The following SEC24D variants were observed in gnomAD, a reference collection of about 807,000 sequenced individuals.
SEC24D encodes the protein protein transport protein Sec24D.
SEC24D carries 69 observed loss-of-function variants against 116.9 expected under a neutral mutation model. The ratio of observed to expected loss-of-function variants is 0.59; its 90% CI spans 0.49 to 0.72. The LOEUF (loss-of-function observed/expected upper bound fraction) is 0.72. SEC24D is among the 30% of genes least tolerant of loss of function. SEC24D has a pLI of 0.00. For missense variants in SEC24D, 1,131 were observed against 1,264.1 expected, an observed-to-expected ratio of 0.89 and a Z score of 1.60; for synonymous variants, 405 against 442.8, an observed-to-expected ratio of 0.91 and a Z score of 1.07.
intron 8 of SEC24D, among the ~76,000 whole-genome samples, chr4:118,795,848 G>A (rs1313042676): frequency 2.6e-5 from 4 of 152,084 alleles, no homozygotes; most frequent in Non-Finnish European, 4.4e-5. Context: ...TAGGTGTCTC[G>A]GCTACATAGG....
chr4:118,732,618 G>A, intron 20 of SEC24D, 115 bp downstream of exon 20: 1 of 1,013,478 alleles, frequency 9.9e-7, no homozygotes, highest in Middle Eastern at 3.1e-4. Context: ...GAAGGCATTT[G>A]TGACTTTAAC....
rs1725679901 is a variant in SEC24D at position 118,731,443 on chromosome 4, G to A, written c.2741C>T (p.Ser914Leu). The A allele has an allele frequency of 1.9e-6, 3 of 1,613,966 alleles. No homozygotes were observed. The highest frequency in any genetic ancestry group is 2.2e-5 in the East Asian group (1 of 44,886). ...AGCCAGTAAGAATATTCCTTCTTCT[G>A]AAAGACGGGACTCAGAGCAACGAAC... Reference protein sequence around the residue: ...AAVRCSESRLSEEGIFLLANG... With the variant: ...AAVRCSESRLLEEGIFLLANG... Residue 914 changes from serine (S) to leucine (L), a missense_variant, in exon 21 of 23, where the codon TCA becomes TTA. By Grantham distance (145) the Ser-to-Leu change is moderately radical. Transcript: ENST00000280551.
At chr4:118,774,686 T>G (rs1177347281) in intron 8 of SEC24D, among the ~76,000 whole-genome samples, 2 of 152,160 alleles carry the variant, frequency 1.3e-5, no homozygotes, top group Non-Finnish European at 1.5e-5. Context: ...GTGACTTGAA[T>G]CAAGCCCTTA....
chr4:118,827,189 C>T (rs771092237), intron 2 of SEC24D, among the ~76,000 whole-genome samples: 1 of 152,062 alleles, frequency 6.6e-6, no homozygotes, highest in Non-Finnish European at 1.5e-5. Context: ...GGAAAGTAGC[C>T]AGAGTGGAAG....
intron 3 of SEC24D, among the ~76,000 whole-genome samples, chr4:118,824,344 C>G (rs1730510490): frequency 2.0e-5 from 3 of 152,128 alleles, no homozygotes; most frequent in Admixed American, 2.0e-4. Context: ...TGAGGTCTCA[C>G]TATGTTGCCT....
intron 21 of SEC24D, chr4:118,730,212 C>T (rs1364031271): frequency 6.6e-6 from 1 of 152,206 alleles, no homozygotes; most frequent in Non-Finnish European, 1.5e-5. Context: ...ATTCTTCAGA[C>T]TCATAGTTCT....
At position 118,723,030 on chromosome 4, in the gene SEC24D, A is replaced by G. The variant is rs1725227383; in HGVS notation, c.*485T>C. The G allele has an allele frequency of 6.6e-6, 1 of 152,656 alleles. No individual in the cohort carries two copies. The highest frequency in any genetic ancestry group is 2.1e-4 in the South Asian group (1 of 4,836). 9.5% of individuals were successfully genotyped at this position (152,656 alleles called of 1,614,324 possible). A position where few individuals can be genotyped will look rare whatever the true frequency, so the allele number is the denominator to read the frequency against. On this transcript the variant is annotated 3_prime_UTR_variant, in exon 23 of 23. Coordinates refer to ENST00000280551, the MANE Select transcript of SEC24D (RefSeq NM_014822.4). ...GTTCTACCAGATAAATCCCAAGGTT[A>G]TTAAAAGTCTGCTATGCAGACCTTA...
At chr4:118,794,820 TTAATA>T (rs1322555532) in intron 8 of SEC24D, among the ~76,000 whole-genome samples, 2 of 152,212 alleles carry the variant, frequency 1.3e-5, no homozygotes, top group Admixed American at 6.5e-5. Context: ...ATTTCTCATA[TTAATA>T]TATTACCCCG....
Position 118,833,598 on chromosome 4 carries a change from C to T in SEC24D, c.99G>A (p.Ser33=), listed in dbSNP as rs1301705304. The stretch of plus-strand genomic sequence containing the variant: ...CTGTACCTGTTGGAGATGCTGTGTG[C>T]GACGGATCCCCATAGTGCCCATAAT... ...PPHYGHYGDP[S]HTASPTGMMK... The change falls in exon 2 of 23, where the codon TCG becomes TCA. Residue 33 remains serine, a synonymous_variant. Transcript: ENST00000280551. The T allele has an allele frequency of 5.6e-6, 9 of 1,611,870 alleles. No homozygotes were observed. The highest frequency in any genetic ancestry group is 1.6e-4 in the Middle Eastern group (1 of 6,080).
chr4:118,815,810 G>A, intron 4 of SEC24D, 84 bp from the exon 5 acceptor site: 1 of 1,458,862 alleles, frequency 6.9e-7, no homozygotes, highest in Non-Finnish European at 9.3e-7. Flanking sequence ...AGAGATGTTT[G>A]TTTTCCTGAC....
At chr4:118,820,010 C>A (rs972406063) in intron 3 of SEC24D, among the ~76,000 whole-genome samples, 1 of 151,896 alleles carries the variant, frequency 6.6e-6, no homozygotes, top group Admixed American at 6.6e-5. Context: ...TTCTTTCTGA[C>A]CAACTTAAAT....
At chr4:118,745,182 A>G (rs1393867433) in intron 13 of SEC24D, 122 bp from the exon 14 acceptor site, 5 of 627,680 alleles carry the variant, frequency 8.0e-6, no homozygotes, top group African/African-American at 1.9e-5. Flanking sequence ...ATTTAATTTA[A>G]TCCTCATAAT....
At chr4:118,728,266 A>G (rs2110426510) in intron 22 of SEC24D, among the ~76,000 whole-genome samples, 1 of 152,362 alleles carries the variant, frequency 6.6e-6, no homozygotes, top group South Asian at 2.1e-4. Flanking sequence ...GCACCAGAAG[A>G]AAAGTCACTT....
intron 8 of SEC24D, among the ~76,000 whole-genome samples, chr4:118,779,604 C>G (rs377332135): frequency 6.6e-6 from 1 of 152,116 alleles, no homozygotes; most frequent in East Asian, 1.9e-4. Flanking sequence ...ATATCAGGAT[C>G]ATGCTGGCCT....
chr4:118,789,238 T>A (rs1728786481), intron 8 of SEC24D, among the ~76,000 whole-genome samples: 1 of 152,228 alleles, frequency 6.6e-6, no homozygotes, highest in Non-Finnish European at 1.5e-5. Context: ...AGCTGCTATC[T>A]TCCTAAAAGA....
intron 17 of SEC24D, among the ~76,000 whole-genome samples, chr4:118,739,858 T>C (rs1726145432): frequency 6.6e-6 from 1 of 152,198 alleles, no homozygotes; most frequent in Non-Finnish European, 1.5e-5. Context: ...TATGACCATG[T>C]ATATCTAGTG....
At position 118,802,944 on chromosome 4, in the gene SEC24D, G is replaced by T. The variant is rs566572385; in HGVS notation, c.913+2899C>A. Among the ~76,000 whole-genome samples, 6 of 152,292 alleles carry T rather than the reference G, an allele frequency of 3.9e-5. No homozygotes were observed. The East Asian group carries it at 1.2e-3, about 29-fold the overall frequency. On this transcript the variant is annotated intron_variant, in intron 7 of 22. Transcript: ENST00000280551. ...AATGAAATTCTGATATACGCTACAAGGTAGATGAACCTTGAAAATATTATA... is the reference window on the plus strand; with the variant it reads ...AATGAAATTCTGATATACGCTACAATGTAGATGAACCTTGAAAATATTATA...
intron 22 of SEC24D, among the ~76,000 whole-genome samples, 166 bp downstream of exon 22, chr4:118,728,395 A>G (rs1725513033): frequency 6.6e-6 from 1 of 152,200 alleles, no homozygotes; most frequent in Non-Finnish European, 1.5e-5. Flanking sequence ...GTAGGTAGAT[A>G]TACTTAGAGG....
chr4:118,816,996 G>A (rs1730178181), intron 4 of SEC24D: 2 of 383,352 alleles, frequency 5.2e-6, no homozygotes, highest in Admixed American at 4.4e-5. Context: ...TGTGAAATCA[G>A]CATTTTTTGT....
Sources: gnomAD v4.1 joint callset for allele counts (sites outside exome capture counted in the v4.1 genomes callset) on GRCh38, gnomAD v4.1.1 for gene constraint, MANE v1.5 for transcripts, NCBI Gene and HGNC (gene_info 2026-07-23, HGNC 2026-07-21) for gene names.